SYNJ1: variants seen among roughly 807,000 people sequenced by gnomAD.
The protein encoded by SYNJ1 is polyphosphatidylinositol phosphatase SYNJ1.
Under a neutral mutation model 168.2 loss-of-function variants are expected in SYNJ1, and 78 were observed. The observed-to-expected ratio is 0.46, with a 90% confidence interval of 0.39 to 0.56. The LOEUF (loss-of-function observed/expected upper bound fraction) is 0.56. Among genes scored for constraint, SYNJ1 ranks in the 20% least tolerant of loss-of-function variants. The pLI is 0.00. For synonymous variants in SYNJ1, 539 were observed against 548.6 expected, an observed-to-expected ratio of 0.98 and a Z score of 0.24; for missense variants, 1,303 against 1,597.6, an observed-to-expected ratio of 0.82 and a Z score of 3.14.
chr21:32,707,011 A>G (rs769120007), intron 2 of SYNJ1, among the ~76,000 whole-genome samples: 5 of 152,182 alleles, frequency 3.3e-5, no homozygotes, highest in Non-Finnish European at 5.9e-5. Flanking sequence ...CTTGCATCCC[A>G]TGCTTCAGCC....
At chr21:32,684,011 C>T in intron 10 of SYNJ1, 27 bp downstream of exon 10, 3 of 1,593,566 alleles carry the variant, frequency 1.9e-6, no homozygotes, top group Non-Finnish European at 2.6e-6. Context: ...TGATACAAGG[C>T]ACATACATTT....
At position 32,645,240 on chromosome 21, in the gene SYNJ1, C is replaced by T. The variant is rs577768025; in HGVS notation, c.3392-234G>A. ...ATACAATTGTACATTAATACGTATG[C>T]TCTCCAGTTTTATTATACTTTTACA... On this transcript the variant is annotated intron_variant, in intron 25 of 32. Coordinates refer to ENST00000674351, the MANE Select transcript of SYNJ1 (RefSeq NM_203446.3). Among the ~76,000 whole-genome samples the T allele has an allele frequency of 2.6e-5, 4 of 152,242 alleles. No individual in the cohort carries two copies. In the East Asian group the frequency reaches 7.7e-4, roughly 29 times the overall value.
At chr21:32,666,666 A>C in intron 15 of SYNJ1, 93 bp from the exon 16 acceptor site, 3 of 1,316,568 alleles carry the variant, frequency 2.3e-6, no homozygotes, top group Non-Finnish European at 3.1e-6. Context: ...ATCTACCCAA[A>C]TATCCTAAGA....
chr21:32,685,954 G>A (rs760221795), intron 8 of SYNJ1, 37 bp from the exon 9 acceptor site: 6 of 1,581,760 alleles, frequency 3.8e-6, no homozygotes, highest in Non-Finnish European at 5.1e-6. Flanking sequence ...CTAAATGAAA[G>A]TAAAAAGGCA....
At chr21:32,639,621 T>G (rs948328119) in intron 30 of SYNJ1, 50 bp downstream of exon 30, 2 of 1,512,014 alleles carry the variant, frequency 1.3e-6, no homozygotes, top group Non-Finnish European at 1.8e-6. Flanking sequence ...TGGTCTCAAA[T>G]TTCTGGGCTC....
At chr21:32,646,325 G>A (rs761731399) in intron 24 of SYNJ1, 68 bp downstream of exon 24, 40 of 1,492,464 alleles carry the variant, frequency 2.7e-5, no homozygotes, top group Non-Finnish European at 3.4e-5. Flanking sequence ...AAACTTAAAC[G>A]ATGACTCTCC....
At chr21:32,666,358 C>T (rs2040932210) in intron 16 of SYNJ1, 75 bp downstream of exon 16, 1 of 1,544,542 alleles carries the variant, frequency 6.5e-7, no homozygotes, top group Non-Finnish European at 8.7e-7. Flanking sequence ...AGAACTGAAA[C>T]AATAAACATT....
chr21:32,639,160 T>A (rs1462199712), intron 30 of SYNJ1, 35 bp from the exon 31 acceptor site: 12 of 1,563,882 alleles, frequency 7.7e-6, no homozygotes, highest in Non-Finnish European at 1.0e-5. Flanking sequence ...GTTAGGTATA[T>A]TCTAGAAAAC....
chr21:32,694,200 C>T, intron 6 of SYNJ1, 28 bp downstream of exon 6: 1 of 1,490,626 alleles, frequency 6.7e-7, no homozygotes, highest in East Asian at 2.5e-5. Context: ...GTTCAAAAAA[C>T]AAAAATAACT....
At position 32,726,776 on chromosome 21, in the gene SYNJ1, C is replaced by A. The variant is rs769178168; in HGVS notation, c.120G>T (p.Val40=). The A allele has an allele frequency of 6.2e-7, 1 of 1,614,056 alleles. No homozygotes were observed. Among genetic ancestry groups the A allele is most frequent in the East Asian group, 2.2e-5 (1 of 44,864 alleles). The change falls in exon 2 of 33, where the codon GTG becomes GTT. Residue 40 remains valine, a synonymous_variant. Transcript: ENST00000674351. ...CLMFESGAVA[V]LSSAEKEAIK... ...GGGCTCTAACAGATGACTTACAGAG[C>A]ACAGCGACAGCCCCAGACTCGAACA...
intron 2 of SYNJ1, among the ~76,000 whole-genome samples, chr21:32,722,202 AAAAATATAT>A (rs1451621034): frequency 0.033 from 3,121 of 94,456 alleles, 58 homozygotes; most frequent in Middle Eastern, 0.074. Flanking sequence ...AAAAAAAAAA[AAAAATATAT>A]ATATATATAT....
chr21:32,690,426 G>A (rs1325585074), intron 6 of SYNJ1, among the ~76,000 whole-genome samples: 3 of 152,054 alleles, frequency 2.0e-5, no homozygotes, highest in Non-Finnish European at 4.4e-5. Context: ...TGCCCAGGAT[G>A]GTCTTGAACT....
intron 2 of SYNJ1, among the ~76,000 whole-genome samples, chr21:32,710,347 T>C (rs921015888): frequency 1.3e-5 from 2 of 152,174 alleles, no homozygotes; most frequent in Non-Finnish European, 2.9e-5. Context: ...CCAAATAAAA[T>C]GTTAAAAAAA....
At chr21:32,684,995 C>T (rs1001756776) in intron 9 of SYNJ1, among the ~76,000 whole-genome samples, 1 of 150,876 alleles carries the variant, frequency 6.6e-6, no homozygotes, top group Non-Finnish European at 1.5e-5. Flanking sequence ...CTGGCTAACA[C>T]GGTGAAACCC....
At chr21:32,713,971 C>G (rs1219061818) in intron 2 of SYNJ1, among the ~76,000 whole-genome samples, 4 of 152,164 alleles carry the variant, frequency 2.6e-5, no homozygotes, top group Non-Finnish European at 5.9e-5. Flanking sequence ...CTCTGGAAAG[C>G]TCTCTGGTAT....
chr21:32,710,351 A>T (rs1193460340), intron 2 of SYNJ1, among the ~76,000 whole-genome samples: 2 of 152,172 alleles, frequency 1.3e-5, no homozygotes, highest in African/African-American at 4.8e-5. Context: ...ATAAAATGTT[A>T]AAAAAATTAT....
chr21:32,653,077 T>C (rs1332652017), intron 22 of SYNJ1, among the ~76,000 whole-genome samples: 1 of 152,236 alleles, frequency 6.6e-6, no homozygotes, highest in African/African-American at 2.4e-5. Flanking sequence ...TTAGTCTATA[T>C]CAACAGTTAA....
At chr21:32,695,670 T>C (rs2042179403) in intron 4 of SYNJ1, among the ~76,000 whole-genome samples, 3 of 150,490 alleles carry the variant, frequency 2.0e-5, no homozygotes, top group South Asian at 4.2e-4. Context: ...TTTATTTATT[T>C]ATTTATTTTT....
intron 2 of SYNJ1, among the ~76,000 whole-genome samples, chr21:32,705,237 T>C (rs970574310): frequency 2.6e-5 from 4 of 151,994 alleles, no homozygotes; most frequent in Non-Finnish European, 2.9e-5. Flanking sequence ...TAAGTATATA[T>C]GTCATATACA....
Sources: allele counts gnomAD v4.1 joint callset (sites outside exome capture counted in the v4.1 genomes callset), GRCh38; gene constraint gnomAD v4.1.1; transcripts MANE v1.5; gene names NCBI Gene and HGNC (gene_info 2026-07-23, HGNC 2026-07-21).